Variants in PDE4B observed in about 807,000 individuals in gnomAD.
PDE4B encodes 3',5'-cyclic-AMP phosphodiesterase 4B.
PDE4B carries 20 observed loss-of-function variants against 82.2 expected under a neutral mutation model. That is an observed-to-expected ratio of 0.24 (90% CI 0.17 to 0.35). The LOEUF (loss-of-function observed/expected upper bound fraction) is 0.35. PDE4B is among the 10% of genes least tolerant of loss of function. The pLI is 1.00. For missense variants in PDE4B, 655 were observed against 907.2 expected, an observed-to-expected ratio of 0.72 and a Z score of 3.57; for synonymous variants, 320 against 318.9, an observed-to-expected ratio of 1.00 and a Z score of -0.04.
At chr1:66,332,486 A>C (rs1221797483) in intron 7 of PDE4B, 22 bp from the exon 8 acceptor site, 1 of 1,614,140 alleles carries the variant, frequency 6.2e-7, no homozygotes, top group Non-Finnish European at 8.5e-7. Context: ...GCCTAACTAC[A>C]TGCCTGTGTG....
At chr1:66,309,313 A>G (rs1047858254) in intron 7 of PDE4B, among the ~76,000 whole-genome samples, 5 of 152,226 alleles carry the variant, frequency 3.3e-5, no homozygotes, top group Non-Finnish European at 7.3e-5. Flanking sequence ...AGACAAGTAC[A>G]TGATTAATAT....
At position 66,319,216 on chromosome 1, in the gene PDE4B, G is replaced by T. The variant is rs555402103; in HGVS notation, c.635-13292G>T. Among the ~76,000 whole-genome samples, 40 of 152,298 alleles carry T rather than the reference G, an allele frequency of 2.6e-4. No individual in the cohort carries two copies. In the South Asian group the frequency reaches 8.1e-3, roughly 31 times the overall value. On this transcript the variant is annotated intron_variant, in intron 7 of 16. Transcript: ENST00000341517. Reference sequence around the variant, plus strand: ...CTCTAGGCAGATGAAAGAGATTTTAGCTAGTAGTGTTTCAAGAGGTTGGAA... The same window carrying T: ...CTCTAGGCAGATGAAAGAGATTTTATCTAGTAGTGTTTCAAGAGGTTGGAA...
intron 10 of PDE4B, among the ~76,000 whole-genome samples, chr1:66,362,008 G>T (rs957724889): frequency 1.3e-5 from 2 of 152,132 alleles, no homozygotes; most frequent in African/African-American, 4.8e-5. Flanking sequence ...AGTCTTGGGG[G>T]ATAGCCTGGA....
intron 3 of PDE4B, among the ~76,000 whole-genome samples, chr1:66,079,446 C>A (rs1469436962): frequency 6.6e-6 from 1 of 152,082 alleles, no homozygotes; most frequent in Non-Finnish European, 1.5e-5. Context: ...GCCACATGAA[C>A]CTGCCAGTGC....
At chr1:65,835,782 T>C (rs1175163957) in intron 1 of PDE4B, among the ~76,000 whole-genome samples, 4 of 152,134 alleles carry the variant, frequency 2.6e-5, no homozygotes, top group Admixed American at 2.0e-4. Context: ...TGAATTAATG[T>C]CCAGAAATTA....
intron 16 of PDE4B, 89 bp from the exon 17 acceptor site, chr1:66,372,224 A>G: frequency 7.6e-7 from 1 of 1,318,930 alleles, no homozygotes; most frequent in Non-Finnish European, 1.0e-6. Context: ...GAAGTTATTA[A>G]TGTTCTTTCT....
chr1:66,348,968 C>T (rs1020067895), intron 8 of PDE4B, among the ~76,000 whole-genome samples: 13 of 151,932 alleles, frequency 8.6e-5, no homozygotes, highest in African/African-American at 1.7e-4. Context: ...GTCTAGGAAA[C>T]GTCAATTTTT....
At chr1:66,007,740 C>A (rs537933648) in intron 3 of PDE4B, among the ~76,000 whole-genome samples, 1 of 152,044 alleles carries the variant, frequency 6.6e-6, no homozygotes, top group Non-Finnish European at 1.5e-5. Context: ...GAAACAAATT[C>A]GCATTTTAAT....
chr1:66,340,006 A>T (rs993207176), intron 8 of PDE4B, among the ~76,000 whole-genome samples: 1 of 152,188 alleles, frequency 6.6e-6, no homozygotes, highest in Non-Finnish European at 1.5e-5. Context: ...ACAAGTGGAG[A>T]TAGCTCAGAC....
At chr1:66,268,686 A>G (rs1400414615) in intron 7 of PDE4B, among the ~76,000 whole-genome samples, 3 of 151,204 alleles carry the variant, frequency 2.0e-5, no homozygotes, top group African/African-American at 4.9e-5. Flanking sequence ...AAAAAAAAAA[A>G]AAAAAGAAAG....
chr1:66,180,184 T>C, intron 3 of PDE4B, among the ~76,000 whole-genome samples: 1 of 152,126 alleles, frequency 6.6e-6, no homozygotes, highest in African/African-American at 2.4e-5. Flanking sequence ...ATCTGGTAAG[T>C]GTCTGTCATG....
chr1:66,136,532 A>T (rs1469655820), intron 3 of PDE4B, among the ~76,000 whole-genome samples: 1 of 151,888 alleles, frequency 6.6e-6, no homozygotes, highest in Non-Finnish European at 1.5e-5. Flanking sequence ...CAACATGATG[A>T]AACCCCATCT....
At chr1:65,937,023 G>T (rs1168351570) in intron 3 of PDE4B, among the ~76,000 whole-genome samples, 1 of 152,154 alleles carries the variant, frequency 6.6e-6, no homozygotes, top group African/African-American at 2.4e-5. Flanking sequence ...AAAGAAGGCA[G>T]GAGTCTTCTT....
intron 1 of PDE4B, among the ~76,000 whole-genome samples, chr1:65,902,339 A>C (rs116437344): frequency 6.6e-6 from 1 of 152,134 alleles, no homozygotes; most frequent in Admixed American, 6.6e-5. Flanking sequence ...AGAAGGATCA[A>C]ATGACTTGTT....
chr1:65,876,818 A>G (rs2100325202), intron 1 of PDE4B, among the ~76,000 whole-genome samples: 1 of 152,316 alleles, frequency 6.6e-6, no homozygotes, highest in Admixed American at 6.5e-5. Context: ...AAAAAAATAA[A>G]ATATCTAGAA....
intron 10 of PDE4B, among the ~76,000 whole-genome samples, chr1:66,362,911 A>G (rs1662905090): frequency 6.6e-6 from 1 of 152,198 alleles, no homozygotes; most frequent in African/African-American, 2.4e-5. Flanking sequence ...ATGCATGTCC[A>G]ATATAGGTCA....
chr1:66,105,623 T>A (rs909992379), intron 3 of PDE4B, among the ~76,000 whole-genome samples: 1 of 152,028 alleles, frequency 6.6e-6, no homozygotes, highest in Non-Finnish European at 1.5e-5. Flanking sequence ...CCTTGAGCAG[T>A]GGTTTGTAGT....
intron 1 of PDE4B, among the ~76,000 whole-genome samples, chr1:65,810,482 C>T (rs1253728636): frequency 6.6e-6 from 1 of 152,056 alleles, no homozygotes. Flanking sequence ...TTTTTTCTTT[C>T]ACCAACCCAA....
chr1:66,104,387 C>T (rs1186004294), intron 3 of PDE4B, among the ~76,000 whole-genome samples: 16 of 144,474 alleles, frequency 1.1e-4, no homozygotes, highest in Admixed American at 2.1e-4. Flanking sequence ...TGAATAGTGC[C>T]GCAATAAACA....
Sources: gnomAD v4.1 joint callset for allele counts (sites outside exome capture counted in the v4.1 genomes callset) on GRCh38, gnomAD v4.1.1 for gene constraint, MANE v1.5 for transcripts, NCBI Gene and HGNC (gene_info 2026-07-23, HGNC 2026-07-21) for gene names.